CSMD1: variants seen among roughly 807,000 people sequenced by gnomAD.
CSMD1 encodes the protein CUB and sushi domain-containing protein 1.
A neutral mutation model predicts 417.5 loss-of-function variants in CSMD1; 213 were observed. The ratio of observed to expected loss-of-function variants is 0.51; its 90% confidence interval spans 0.46 to 0.57. The LOEUF (loss-of-function observed/expected upper bound fraction) is 0.57. Ranked by LOEUF, CSMD1 falls within the 20% of genes least tolerant of loss-of-function variation. The pLI is 0.00. For missense variants in CSMD1, 6,923 were observed against 4,529.7 expected (o/e 1.53, Z -15.17); for synonymous variants, 2,862 against 1,736.8 (o/e 1.65, Z -16.11).
chr8:4,243,409 C>A (rs769584723), intron 3 of CSMD1, among the ~76,000 whole-genome samples: 2 of 152,172 alleles, frequency 1.3e-5, no homozygotes, highest in Non-Finnish European at 2.9e-5. Flanking sequence ...TCATCCTCTA[C>A]TGACCACTTT....
intron 5 of CSMD1, among the ~76,000 whole-genome samples, chr8:3,853,550 T>G (rs1165157363): frequency 6.6e-6 from 1 of 151,998 alleles, no homozygotes; most frequent in Non-Finnish European, 1.5e-5. Context: ...AATCAATATT[T>G]ATGTAAGAAA....
intron 1 of CSMD1, among the ~76,000 whole-genome samples, chr8:4,969,089 G>A (rs762415655): frequency 1.1e-4 from 17 of 152,124 alleles, no homozygotes; most frequent in Middle Eastern, 3.2e-3. Context: ...ACAGCTCACT[G>A]ACCTGGTGGT....
In CSMD1 at chr8:3,151,450, G is replaced by C. The variant is rs548403251; in HGVS notation, c.5978C>G (p.Ser1993Cys). The C allele has an allele frequency of 1.8e-5, 29 of 1,613,914 alleles. No individual in the cohort carries two copies. Among genetic ancestry groups the C allele is most frequent in the Non-Finnish European group, 2.4e-5 (28 of 1,179,918 alleles). The change falls in exon 40 of 70, where the codon TCT becomes TGT. Residue 1993 changes from serine to cysteine, a missense_variant. Coordinates refer to ENST00000635120, the MANE Select transcript of CSMD1 (RefSeq NM_033225.6). Reference protein sequence around the residue: ...GVILSPGFPGSYPNNLDCTWR... With the variant: ...GVILSPGFPGCYPNNLDCTWR... ...GGTGCAGTCTAAGTTGTTGGGGTAA[G>C]AACCTGGGAAGCCGGGGCTCAGGAT...
chr8:3,407,788 A>C, intron 14 of CSMD1, 111 bp downstream of exon 14: 1 of 913,196 alleles, frequency 1.1e-6, no homozygotes, highest in East Asian at 2.7e-5. Flanking sequence ...TAATGATTAT[A>C]AAACCTCTGA....
chr8:4,421,250 A>G lies in CSMD1; in HGVS notation c.303-1185T>C, dbSNP rs73658876. 8.3e-3 allele frequency among the ~76,000 whole-genome samples: 1,265 copies of G among 152,288 alleles called. 13 individuals carry two copies. Among genetic ancestry groups the G allele is most frequent in the African/African-American group, 0.029 (1,195 of 41,574 alleles). ...AACGTTGCTTTAAGAAAGGAAAAAC[A>G]AAAAACAAAAAACAGTGAGTTTAAA... On this transcript the variant is annotated intron_variant, in intron 2 of 69. Coordinates refer to ENST00000635120, the MANE Select transcript of CSMD1 (RefSeq NM_033225.6).
At chr8:3,948,269 G>C (rs112923644) in intron 5 of CSMD1, among the ~76,000 whole-genome samples, 4,275 of 152,140 alleles carry the variant, frequency 0.028, 203 homozygotes, top group African/African-American at 0.097. Context: ...ATATATATTT[G>C]TTAAAAAATA....
intron 64 of CSMD1, among the ~76,000 whole-genome samples, chr8:2,955,355 T>C (rs1221425900): frequency 2.0e-5 from 3 of 152,224 alleles, no homozygotes; most frequent in Non-Finnish European, 4.4e-5. Context: ...TATTATGTAC[T>C]AATTGCATAC....
chr8:3,073,955 T>C (rs987064128), intron 49 of CSMD1, among the ~76,000 whole-genome samples: 6 of 152,168 alleles, frequency 3.9e-5, no homozygotes, highest in Admixed American at 2.0e-4. Context: ...ATTCCACACA[T>C]AGAGGCCCAA....
At chr8:4,147,766 G>T (rs563319021) in intron 3 of CSMD1, among the ~76,000 whole-genome samples, 1 of 152,060 alleles carries the variant, frequency 6.6e-6, no homozygotes, top group African/African-American at 2.4e-5. Context: ...CCATGGACTT[G>T]CCATGTGAGA....
intron 10 of CSMD1, among the ~76,000 whole-genome samples, chr8:3,561,462 C>T (rs563869399): frequency 1.0e-4 from 15 of 150,102 alleles, no homozygotes; most frequent in East Asian, 4.0e-4. Flanking sequence ...TAAAATGATA[C>T]ATTTCTTGGC....
chr8:4,671,292 G>C (rs1250551239), intron 1 of CSMD1, among the ~76,000 whole-genome samples: 1 of 152,214 alleles, frequency 6.6e-6, no homozygotes, highest in South Asian at 2.1e-4. Flanking sequence ...ATGGGCCCTA[G>C]GGAAACGCTA....
At chr8:3,860,566 C>T (rs184330630) in intron 5 of CSMD1, among the ~76,000 whole-genome samples, 18 of 152,206 alleles carry the variant, frequency 1.2e-4, no homozygotes, top group South Asian at 2.1e-4. Context: ...TCAGAAAATA[C>T]GCATATGTAT....
At chr8:3,820,073 C>G (rs976799374) in intron 5 of CSMD1, among the ~76,000 whole-genome samples, 1 of 152,190 alleles carries the variant, frequency 6.6e-6, no homozygotes, top group Non-Finnish European at 1.5e-5. Context: ...ACTTAAGACG[C>G]TCAGTGATTC....
chr8:3,400,162 C>A (rs967551794), intron 15 of CSMD1, among the ~76,000 whole-genome samples: 1 of 152,136 alleles, frequency 6.6e-6, no homozygotes, highest in African/African-American at 2.4e-5. Context: ...AATTACTGCT[C>A]AGTGAAAGTG....
At chr8:3,472,715 G>A (rs1473142822) in intron 11 of CSMD1, among the ~76,000 whole-genome samples, 1 of 151,816 alleles carries the variant, frequency 6.6e-6, no homozygotes, top group African/African-American at 2.4e-5. Flanking sequence ...TTTTTCTCAA[G>A]CCCATTCCCA....
intron 37 of CSMD1, among the ~76,000 whole-genome samples, chr8:3,176,228 G>A (rs893319429): frequency 6.6e-6 from 1 of 152,092 alleles, no homozygotes; most frequent in Non-Finnish European, 1.5e-5. Context: ...TCTATTGTAA[G>A]CCATCTCTAA....
chr8:4,698,539 A>T (rs1807284445), intron 1 of CSMD1, among the ~76,000 whole-genome samples: 1 of 151,762 alleles, frequency 6.6e-6, no homozygotes, highest in South Asian at 2.1e-4. Context: ...AGGGAAGTTT[A>T]TTTTTGAGAC....
rs184833312 is a variant in CSMD1, at chr8:2,990,750, G to A, written c.8377+7261C>T. On this transcript the variant is annotated intron_variant, in intron 54 of 69. Coordinates refer to ENST00000635120, the MANE Select transcript of CSMD1 (RefSeq NM_033225.6). ...TGAATGTAAGATGCTCTCTACCCTG[G>A]AAGAGCGAGAAGCGATGATAATCCC... 2.6e-4 allele frequency among the ~76,000 whole-genome samples: 40 copies of A among 152,270 alleles called. No homozygotes were observed. The South Asian group carries it at 7.9e-3, about 30-fold the overall frequency.
rs765012881 is a variant in CSMD1 at position 4,339,954 on chromosome 8, G to C, written c.415+79999C>G. The stretch of plus-strand genomic sequence containing the variant: ...GCAAGAGGATCACTTGAGTTCATAA[G>C]TTGGAGGTTCAGTGAGCGGTGATAG... On this transcript the variant is annotated intron_variant, in intron 3 of 69. Transcript: ENST00000635120. Among the ~76,000 whole-genome samples, 9 of 152,180 alleles carry C rather than the reference G, an allele frequency of 5.9e-5. 1 individual carries two copies. In the South Asian group the frequency reaches 1.5e-3, roughly 25 times the overall value.
Sources: gnomAD v4.1 joint callset for allele counts (sites outside exome capture counted in the v4.1 genomes callset) on GRCh38, gnomAD v4.1.1 for gene constraint, MANE v1.5 for transcripts, NCBI Gene and HGNC (gene_info 2026-07-23, HGNC 2026-07-21) for gene names.